RBFOX1: variants seen among roughly 807,000 people sequenced by gnomAD.
RBFOX1 encodes the protein RNA binding protein fox-1 homolog 1.
RBFOX1 carries 8 observed loss-of-function variants against 57.7 expected under a neutral mutation model. The observed-to-expected ratio is 0.14, with a 90% CI of 0.08 to 0.25. The LOEUF is 0.25. Ranked by LOEUF, RBFOX1 falls within the 10% of genes least tolerant of loss-of-function variation. RBFOX1 has a pLI of 1.00. For synonymous variants in RBFOX1, 326 were observed against 222.4 expected (o/e 1.47, Z -4.15); for missense variants, 611 against 548.5 (o/e 1.11, Z -1.14).
chr16:6,066,347 AG>A (rs2095762841), intron 1 of RBFOX1, among the ~76,000 whole-genome samples: 1 of 143,618 alleles, frequency 7.0e-6, no homozygotes, highest in African/African-American at 2.6e-5. Context: ...GGCAGTTGAG[AG>A]GGTAAATAGA....
intron 3 of RBFOX1, among the ~76,000 whole-genome samples, chr16:6,746,906 T>C (rs117275586): frequency 9.9e-4 from 151 of 152,260 alleles, no homozygotes; most frequent in Non-Finnish European, 1.7e-3. Context: ...CCTAGCAGTC[T>C]TCTCAGTATT....
intron 4 of RBFOX1, among the ~76,000 whole-genome samples, chr16:7,187,653 C>T (rs1259744578): frequency 8.5e-6 from 1 of 117,224 alleles, no homozygotes; most frequent in Non-Finnish European, 1.6e-5. Context: ...CGTGCCACTG[C>T]AGTCCAGCCT....
At chr16:6,079,338 G>T (rs924739312) in intron 1 of RBFOX1, among the ~76,000 whole-genome samples, 2 of 151,960 alleles carry the variant, frequency 1.3e-5, no homozygotes, top group Admixed American at 6.6e-5. Flanking sequence ...GGGAGATAGG[G>T]TCTTGCTCTG....
At chr16:6,842,160 AAAT>A (rs1413123021) in intron 3 of RBFOX1, among the ~76,000 whole-genome samples, 906 of 90,276 alleles carry the variant, frequency 0.01, 15 homozygotes, top group African/African-American at 0.038. Flanking sequence ...AATAAAAAAT[AAAT>A]AAATAAATAA....
At position 6,735,196 on chromosome 16, in the gene RBFOX1, C is replaced by G. The variant is rs17141198; in HGVS notation, c.-16+80546C>G. ...ACAACAACAACATCAACAACGAAAA[C>G]CAAACTGGTGGCTTATTGCTAGATG... On this transcript the variant is annotated intron_variant, in intron 3 of 15. Transcript: ENST00000550418. Among the ~76,000 whole-genome samples, 1,417 of 152,186 alleles carry G rather than the reference C, an allele frequency of 9.3e-3. 20 individuals are homozygous for G. The highest frequency in any genetic ancestry group is 0.033 in the African/African-American group (1,356 of 41,508).
At chr16:5,951,596 C>T (rs993923836) in intron 4 of RBFOX1, among the ~76,000 whole-genome samples, 3 of 151,790 alleles carry the variant, frequency 2.0e-5, no homozygotes, top group Non-Finnish European at 2.9e-5. Context: ...GATGTTGGAG[C>T]GTAATGTTAA....
chr16:7,190,707 G>T (rs550120705), intron 4 of RBFOX1, among the ~76,000 whole-genome samples: 18 of 147,396 alleles, frequency 1.2e-4, no homozygotes, highest in African/African-American at 4.5e-4. Context: ...TCAACAAACA[G>T]ATCCACTGTG....
intron 1 of RBFOX1, among the ~76,000 whole-genome samples, chr16:5,378,538 A>G (rs9934445): frequency 0.15 from 22,575 of 150,694 alleles, 3,550 homozygotes; most frequent in African/African-American, 0.37. Context: ...CCTCAGCAGA[A>G]CCTCCACTAG....
intron 3 of RBFOX1, among the ~76,000 whole-genome samples, chr16:6,767,947 T>TAATAATAATAAGAAG (rs1410744665): frequency 1.2e-3 from 124 of 101,036 alleles, no homozygotes; most frequent in South Asian, 5.8e-3. Flanking sequence ...ATAATAATAA[T>TAATAATAATAAGAAG]AAGAAGAAGA....
chr16:7,460,629 T>C (rs1054404959), intron 4 of RBFOX1, among the ~76,000 whole-genome samples: 1 of 151,036 alleles, frequency 6.6e-6, no homozygotes, highest in Admixed American at 6.6e-5. Context: ...AGGCTTAATA[T>C]CTGAGTGATG....
chr16:5,411,736 CA>C (rs544439342), intron 1 of RBFOX1, among the ~76,000 whole-genome samples: 16 of 146,002 alleles, frequency 1.1e-4, no homozygotes, highest in South Asian at 2.2e-4. Flanking sequence ...CCCATCTGTA[CA>C]AAAAAAAAAT....
chr16:5,866,451 G>A (rs2087774402), intron 3 of RBFOX1, among the ~76,000 whole-genome samples: 1 of 152,216 alleles, frequency 6.6e-6, no homozygotes, highest in African/African-American at 2.4e-5. Context: ...CAATATGGCT[G>A]AGGTTGGCCA....
chr16:6,113,268 T>C (rs1028778407), intron 1 of RBFOX1, among the ~76,000 whole-genome samples: 7 of 152,180 alleles, frequency 4.6e-5, no homozygotes, highest in African/African-American at 1.7e-4. Flanking sequence ...CAAAAGGGCA[T>C]TTTAAGCTTC....
rs553331104 is a variant in RBFOX1 at position 5,704,836 on chromosome 16, A to G, written c.318+105875A>G. Among the ~76,000 whole-genome samples the G allele has an allele frequency of 7.2e-5, 11 of 152,276 alleles. 1 individual carries two copies. In the South Asian group the frequency reaches 2.1e-3, roughly 29 times the overall value. ...GTGCCAGGACCCCCTTTGAGTTGTT[A>G]GGAACTTTTGGAAACATGGGGTAAT... On this transcript the variant is annotated intron_variant, in intron 3 of 19. Transcript: ENST00000641259.
intron 9 of RBFOX1, among the ~76,000 whole-genome samples, chr16:7,601,305 G>C (rs1342674025): frequency 6.6e-6 from 1 of 152,126 alleles, no homozygotes; most frequent in Admixed American, 6.6e-5. Context: ...ACAGTTCTTT[G>C]TGATAATTAT....
chr16:5,356,435 T>G (rs1328644384), intron 1 of RBFOX1, among the ~76,000 whole-genome samples: 2 of 152,254 alleles, frequency 1.3e-5, no homozygotes, highest in African/African-American at 4.8e-5. Context: ...TTTAATGCTA[T>G]GCCCACATTT....
chr16:6,491,701 C>T (rs1391480969), intron 2 of RBFOX1, among the ~76,000 whole-genome samples: 1 of 152,110 alleles, frequency 6.6e-6, no homozygotes, highest in Non-Finnish European at 1.5e-5. Context: ...TTGTTATACC[C>T]AGGGTTCATG....
intron 4 of RBFOX1, among the ~76,000 whole-genome samples, chr16:7,421,514 G>T (rs1438790876): frequency 6.6e-6 from 1 of 152,206 alleles, no homozygotes; most frequent in East Asian, 1.9e-4. Context: ...GCACAGCCAG[G>T]TTTTCTAAGG....
chr16:5,495,674 T>C (rs1291617263), intron 2 of RBFOX1, among the ~76,000 whole-genome samples: 4 of 152,228 alleles, frequency 2.6e-5, no homozygotes, highest in African/African-American at 9.7e-5. Flanking sequence ...CAGGACCTCA[T>C]GATATGCTCG....
Sources: allele counts gnomAD v4.1 joint callset (sites outside exome capture counted in the v4.1 genomes callset), GRCh38; gene constraint gnomAD v4.1.1; transcripts MANE v1.5; gene names NCBI Gene and HGNC (gene_info 2026-07-23, HGNC 2026-07-21).